The following RYR2 variants were observed in gnomAD, a reference collection of about 807,000 sequenced individuals.
RYR2 encodes the protein ryanodine receptor 2.
RYR2 carries 227 observed loss-of-function variants against 601.1 expected under a neutral mutation model. The ratio of observed to expected loss-of-function variants is 0.38; its 90% CI spans 0.34 to 0.42. The LOEUF (loss-of-function observed/expected upper bound fraction) is 0.42, where lower values mean the gene tolerates loss of function less well. RYR2 is among the 10% of genes least tolerant of loss of function. RYR2 has a pLI of 1.00. For missense variants in RYR2, 4,646 were observed against 6,156.5 expected (o/e 0.75, Z 8.21); for synonymous variants, 2,223 against 2,175.1 (o/e 1.02, Z -0.61).
At chr1:237,628,608 T>G (rs1327477888) in intron 41 of RYR2, among the ~76,000 whole-genome samples, 1 of 152,020 alleles carries the variant, frequency 6.6e-6, no homozygotes, top group Non-Finnish European at 1.5e-5. Context: ...ATTTTAGAGA[T>G]AGAAACAAAA....
intron 27 of RYR2, among the ~76,000 whole-genome samples, chr1:237,564,688 A>G (rs146557456): frequency 0.015 from 2,229 of 152,346 alleles, 20 homozygotes; most frequent in Non-Finnish European, 0.023. Flanking sequence ...CTTACCAAGT[A>G]ATAGGCATGA....
intron 81 of RYR2, among the ~76,000 whole-genome samples, chr1:237,756,986 C>G (rs1693011716): frequency 6.6e-6 from 1 of 152,086 alleles, no homozygotes; most frequent in South Asian, 2.1e-4. Context: ...TCTCAGTAGC[C>G]AGCTGTTTCA....
intron 91 of RYR2, among the ~76,000 whole-genome samples, chr1:237,787,148 A>G (rs1657688445): frequency 6.6e-6 from 1 of 151,982 alleles, no homozygotes; most frequent in Non-Finnish European, 1.5e-5. Context: ...GAATTAATAT[A>G]TCATTACTAT....
chr1:237,109,134 C>A (rs1322238972), intron 1 of RYR2, among the ~76,000 whole-genome samples: 1 of 151,686 alleles, frequency 6.6e-6, no homozygotes, highest in Non-Finnish European at 1.5e-5. Context: ...TGTATATATT[C>A]ACAAATACAT....
At chr1:237,785,182 T>C (rs1695450237) in intron 90 of RYR2, among the ~76,000 whole-genome samples, 1 of 152,210 alleles carries the variant, frequency 6.6e-6, no homozygotes, top group African/African-American at 2.4e-5. Context: ...TGGTGTAAGC[T>C]TCAGTACCCA....
At position 237,631,477 on chromosome 1, in the gene RYR2, C is replaced by T; in HGVS notation, c.6491C>T (p.Ala2164Val). 1.2e-6 allele frequency: 2 copies of T among 1,613,692 alleles called. No homozygotes were observed. Among genetic ancestry groups the T allele is most frequent in the Non-Finnish European group, 1.7e-6 (2 of 1,179,828 alleles). ...TACCAGCACCCTAATCTCATGAGGG[C>T]ACTGGGGATGCACGAGACTGTGATG... ...VFYQHPNLMR[A>V]LGMHETVMEV... Residue 2164 changes from alanine (A) to valine (V), a missense_variant, in exon 42 of 105, where the codon GCA (alanine) becomes GTA (valine). Physicochemically the swap from Ala to Val is moderately conservative, Grantham distance 64. Coordinates refer to ENST00000366574, the MANE Select transcript of RYR2 (RefSeq NM_001035.3).
chr1:237,461,124 C>T (rs1043132531), intron 16 of RYR2, among the ~76,000 whole-genome samples: 1 of 152,102 alleles, frequency 6.6e-6, no homozygotes, highest in African/African-American at 2.4e-5. Flanking sequence ...TCTTGTTTTC[C>T]TCATCGGAAA....
intron 1 of RYR2, among the ~76,000 whole-genome samples, chr1:237,204,256 G>T (rs540420315): frequency 1.3e-5 from 2 of 152,260 alleles, no homozygotes; most frequent in African/African-American, 2.4e-5. Flanking sequence ...TGATCCACCC[G>T]CCTTGGCTTC....
chr1:237,107,408 C>T (rs1668831380), intron 1 of RYR2, among the ~76,000 whole-genome samples: 1 of 150,274 alleles, frequency 6.7e-6, no homozygotes, highest in Non-Finnish European at 1.5e-5. Context: ...GTAGTCCCAG[C>T]TACTCAGGAG....
chr1:237,291,314 A>G (rs1270457254), intron 2 of RYR2, among the ~76,000 whole-genome samples: 1 of 152,124 alleles, frequency 6.6e-6, no homozygotes. Flanking sequence ...GTGGAGCAAC[A>G]GGAACTCTCA....
intron 2 of RYR2, among the ~76,000 whole-genome samples, chr1:237,319,257 T>C (rs113629486): frequency 6.6e-6 from 1 of 152,150 alleles, no homozygotes; most frequent in Non-Finnish European, 1.5e-5. Context: ...ATATTTATAA[T>C]AGCCGCCTTG....
intron 85 of RYR2, among the ~76,000 whole-genome samples, chr1:237,771,335 C>T (rs1221960988): frequency 6.6e-6 from 1 of 151,504 alleles, no homozygotes; most frequent in Non-Finnish European, 1.5e-5. Flanking sequence ...TGCTTGAGGC[C>T]AGGAGTTCGA....
chr1:237,404,880 T>A (rs1196764990), intron 10 of RYR2, among the ~76,000 whole-genome samples: 1 of 152,168 alleles, frequency 6.6e-6, no homozygotes, highest in Non-Finnish European at 1.5e-5. Context: ...CTGAGAGCCC[T>A]CTCCAGCTGT....
intron 100 of RYR2, among the ~76,000 whole-genome samples, chr1:237,811,662 C>G (rs922370984): frequency 2.0e-5 from 3 of 152,150 alleles, no homozygotes. Flanking sequence ...TTTTCGAAGG[C>G]TTGGAACTTC....
At chr1:237,202,895 G>A (rs1042208321) in intron 1 of RYR2, among the ~76,000 whole-genome samples, 4 of 152,168 alleles carry the variant, frequency 2.6e-5, no homozygotes, top group South Asian at 2.1e-4. Flanking sequence ...ACGCAACATT[G>A]TGAATGCTCA....
chr1:237,468,430 G>C (rs962875259), intron 16 of RYR2, among the ~76,000 whole-genome samples: 6 of 152,150 alleles, frequency 3.9e-5, no homozygotes, highest in Admixed American at 1.3e-4. Context: ...TTCAATCAAA[G>C]AAGTGTAGAA....
At chr1:237,502,221 C>G (rs1664713019) in intron 21 of RYR2, among the ~76,000 whole-genome samples, 1 of 152,016 alleles carries the variant, frequency 6.6e-6, no homozygotes, top group African/African-American at 2.4e-5. Flanking sequence ...CCCGAGGGCC[C>G]CAGGAAATAT....
At chr1:237,316,108 G>A (rs557559971) in intron 2 of RYR2, among the ~76,000 whole-genome samples, 64 of 152,216 alleles carry the variant, frequency 4.2e-4, no homozygotes, top group African/African-American at 1.4e-3. Context: ...ACATTACCAA[G>A]TAAAATAAAA....
intron 3 of RYR2, among the ~76,000 whole-genome samples, chr1:237,350,752 G>T (rs920529169): frequency 6.6e-6 from 1 of 150,670 alleles, no homozygotes; most frequent in Non-Finnish European, 1.5e-5. Context: ...GAATTTACAT[G>T]AATCTAATGA....
Sources: gnomAD v4.1 joint callset for allele counts (sites outside exome capture counted in the v4.1 genomes callset) on GRCh38, gnomAD v4.1.1 for gene constraint, MANE v1.5 for transcripts, NCBI Gene and HGNC (gene_info 2026-07-23, HGNC 2026-07-21) for gene names.